HSD17B4: variants seen among roughly 807,000 people sequenced by gnomAD.
HSD17B4 encodes the protein hydroxysteroid 17-beta dehydrogenase 4.
Under a neutral mutation model 101.0 loss-of-function variants are expected in HSD17B4, and 70 were observed. That is an observed-to-expected ratio of 0.69 (90% CI 0.57 to 0.85). The LOEUF (loss-of-function observed/expected upper bound fraction) is 0.85. Ranked by LOEUF, HSD17B4 falls within the 40% of genes least tolerant of loss-of-function variation. The pLI, the probability that HSD17B4 is intolerant of heterozygous loss-of-function variation, is 0.00. For synonymous variants in HSD17B4, 347 were observed against 297.1 expected (o/e 1.17, Z -1.73); for missense variants, 984 against 892.4 (o/e 1.10, Z -1.31).
intron 22 of HSD17B4, among the ~76,000 whole-genome samples, chr5:119,534,325 T>G (rs533089394): frequency 6.6e-6 from 1 of 152,160 alleles, no homozygotes; most frequent in South Asian, 2.1e-4. Context: ...TATAATTAGT[T>G]GTGTAGAGTT....
chr5:119,507,162 A>G (rs1751729156), intron 15 of HSD17B4, among the ~76,000 whole-genome samples: 1 of 152,218 alleles, frequency 6.6e-6, no homozygotes, highest in Admixed American at 6.5e-5. Context: ...TTGTATTGAT[A>G]ATGTAGAGGA....
At chr5:119,466,312 C>G (rs566595085) in intron 2 of HSD17B4, among the ~76,000 whole-genome samples, 2 of 152,174 alleles carry the variant, frequency 1.3e-5, no homozygotes, top group African/African-American at 4.8e-5. Flanking sequence ...GTATAATGCC[C>G]ACCTCATAGA....
chr5:119,474,285 G>A (rs1748353196), intron 3 of HSD17B4, 116 bp from the exon 4 acceptor site: 2 of 780,078 alleles, frequency 2.6e-6, no homozygotes, highest in Middle Eastern at 2.3e-4. Flanking sequence ...ATATGGATAT[G>A]TTCTTCTGAG....
At chr5:119,474,717 T>C (rs1032577445) in intron 4 of HSD17B4, among the ~76,000 whole-genome samples, 1 of 152,154 alleles carries the variant, frequency 6.6e-6, no homozygotes, top group Non-Finnish European at 1.5e-5. Context: ...TCAGTGCCCT[T>C]TTTAAAATAA....
At chr5:119,500,722 A>G (rs558309397) in intron 13 of HSD17B4, among the ~76,000 whole-genome samples, 1 of 152,244 alleles carries the variant, frequency 6.6e-6, no homozygotes, top group Non-Finnish European at 1.5e-5. Context: ...AGAGATACAG[A>G]GGAACTAGCA....
chr5:119,525,596 A>G, intron 18 of HSD17B4: 2 of 514,804 alleles, frequency 3.9e-6, no homozygotes, highest in South Asian at 2.1e-5. Context: ...CTGAAAGGTT[A>G]GGGAAGGATC....
At chr5:119,527,368 T>C in intron 20 of HSD17B4, 149 bp downstream of exon 20, 1 of 610,518 alleles carries the variant, frequency 1.6e-6, no homozygotes, top group Non-Finnish European at 3.0e-6. Flanking sequence ...TCTGGTGTTT[T>C]CAAAATTTTT....
chr5:119,521,327 G>A (rs182130886), intron 17 of HSD17B4, among the ~76,000 whole-genome samples: 5 of 152,156 alleles, frequency 3.3e-5, no homozygotes, highest in South Asian at 2.1e-4. Flanking sequence ...CGTTTTTAAA[G>A]TCTAATGGTT....
Position 119,474,438 on chromosome 5 carries a change from C to T in HSD17B4, c.258C>T (p.Ala86=). 1.2e-6 allele frequency: 2 copies of T among 1,608,272 alleles called. No individual in the cohort carries two copies. Among genetic ancestry groups the T allele is most frequent in the South Asian group, 1.1e-5 (1 of 90,944 alleles). The change falls in exon 4 of 24, where the codon GCC becomes GCT. Residue 86 remains alanine (A), a synonymous_variant. Transcript: ENST00000510025. The stretch of plus-strand genomic sequence containing the variant: ...AAGGAGAGAAGGTTGTGAAGACAGC[C>T]CTGGATGCTTTTGGAAGAATAGGTG... ...VEEGEKVVKT[A]LDAFGRIDVV...
intron 10 of HSD17B4, chr5:119,493,566 A>G (rs1213749734): frequency 2.3e-6 from 1 of 428,172 alleles, no homozygotes; most frequent in Non-Finnish European, 4.3e-6. Flanking sequence ...ATAACATTCT[A>G]CCTTTAGTAC....
intron 23 of HSD17B4, among the ~76,000 whole-genome samples, chr5:119,539,631 T>A (rs1754818596): frequency 6.6e-6 from 1 of 151,918 alleles, no homozygotes; most frequent in Non-Finnish European, 1.5e-5. Flanking sequence ...GAACAATAAT[T>A]AATGAAATAA....
intron 2 of HSD17B4, among the ~76,000 whole-genome samples, chr5:119,470,186 G>A (rs1421811908): frequency 1.3e-5 from 2 of 151,978 alleles, no homozygotes; most frequent in Non-Finnish European, 2.9e-5. Flanking sequence ...CATTGTACTT[G>A]AATGTCTGTT....
chr5:119,485,490 A>C (rs142267629), intron 8 of HSD17B4, among the ~76,000 whole-genome samples: 22 of 152,252 alleles, frequency 1.4e-4, no homozygotes, highest in African/African-American at 5.3e-4. Flanking sequence ...ATTTCCTTTA[A>C]TTTTGGGACT....
chr5:119,496,173 G>A, intron 11 of HSD17B4, among the ~76,000 whole-genome samples: 1 of 152,274 alleles, frequency 6.6e-6, no homozygotes, highest in Admixed American at 6.5e-5. Context: ...AATCAGTTGA[G>A]AGGAGGAATC....
intron 23 of HSD17B4, among the ~76,000 whole-genome samples, chr5:119,540,323 G>C (rs1399050018): frequency 6.7e-6 from 1 of 149,574 alleles, no homozygotes; most frequent in Non-Finnish European, 1.5e-5. Flanking sequence ...AGAGTTTGCT[G>C]TGATGTCCGG....
At chr5:119,495,910 C>T (rs1750603291) in intron 11 of HSD17B4, 1 of 153,452 alleles carries the variant, frequency 6.5e-6, no homozygotes, top group Non-Finnish European at 1.5e-5. Flanking sequence ...GCCCATGTCT[C>T]TAAGGTTTGT....
At chr5:119,465,994 T>G (rs986173730) in intron 2 of HSD17B4, among the ~76,000 whole-genome samples, 4 of 152,206 alleles carry the variant, frequency 2.6e-5, no homozygotes, top group African/African-American at 4.8e-5. Flanking sequence ...TTGAGGTACA[T>G]TCCTTCTGTA....
At chr5:119,522,170 G>C (rs1262501919) in intron 17 of HSD17B4, among the ~76,000 whole-genome samples, 1 of 151,920 alleles carries the variant, frequency 6.6e-6, no homozygotes, top group African/African-American at 2.4e-5. Flanking sequence ...CCACGTATGA[G>C]TGAGAACATG....
At chr5:119,486,501 T>G (rs908064192) in intron 8 of HSD17B4, among the ~76,000 whole-genome samples, 5 of 152,168 alleles carry the variant, frequency 3.3e-5, no homozygotes, top group Non-Finnish European at 7.4e-5. Context: ...ATTGCATGAA[T>G]AAACACTTTA....
Sources: gnomAD v4.1 joint callset for allele counts (sites outside exome capture counted in the v4.1 genomes callset) on GRCh38, gnomAD v4.1.1 for gene constraint, MANE v1.5 for transcripts, NCBI Gene and HGNC (gene_info 2026-07-23, HGNC 2026-07-21) for gene names.